The following GABRG3 variants were observed in gnomAD, a reference collection of about 807,000 sequenced individuals.
The protein encoded by GABRG3 is gamma-aminobutyric acid type A receptor subunit gamma3, also known as gamma-aminobutyric acid receptor subunit gamma-3.
A neutral mutation model predicts 48.8 loss-of-function variants in GABRG3; 25 were observed. That is an observed-to-expected ratio of 0.51 (90% CI 0.37 to 0.72). The LOEUF (loss-of-function observed/expected upper bound fraction) is 0.72, where lower values mean the gene tolerates loss of function less well. GABRG3 is among the 30% of genes least tolerant of loss of function. The pLI is 0.00. For synonymous variants in GABRG3, 227 were observed against 217.6 expected, an observed-to-expected ratio of 1.04 and a Z score of -0.38; for missense variants, 394 against 577.9, an observed-to-expected ratio of 0.68 and a Z score of 3.26.
chr15:27,264,581 G>A (rs192222652), intron 3 of GABRG3, among the ~76,000 whole-genome samples: 149 of 146,498 alleles, frequency 1.0e-3, no homozygotes, highest in African/African-American at 3.1e-3. Context: ...TCACATCCTC[G>A]TCAAAAAATT....
chr15:27,066,182 G>A (rs1179787575), intron 3 of GABRG3, among the ~76,000 whole-genome samples: 1 of 151,884 alleles, frequency 6.6e-6, no homozygotes, highest in East Asian at 1.9e-4. Context: ...TTTTTCCTAA[G>A]CCCTGATAGA....
intron 5 of GABRG3, chr15:27,363,351 T>G (rs1438578436): frequency 6.6e-6 from 1 of 151,880 alleles, no homozygotes; most frequent in Non-Finnish European, 1.5e-5. Flanking sequence ...GGATTCCAGG[T>G]GCAGCTGGCC....
rs574888508 is a variant in GABRG3 at position 27,455,655 on chromosome 15, ATG to A, written c.575-24985_575-24984del. On this transcript the variant is annotated intron_variant, in intron 5 of 9. Coordinates refer to ENST00000615808, the MANE Select transcript of GABRG3 (RefSeq NM_033223.5). ...ATGCCGTGGGTGGTTTGTGTGTGTG[ATG>A]TGTGTGTGTATGTGTGCTGTGTGTG... Among the ~76,000 whole-genome samples, 384 of 90,136 alleles carry A rather than the reference ATG, an allele frequency of 4.3e-3. 5 individuals are homozygous for A. Among genetic ancestry groups the A allele is most frequent in the African/African-American group, 0.017 (357 of 20,412 alleles). The allele number at this position is 90,136 out of a possible 152,430, so 59.1% of individuals were successfully genotyped here.
intron 6 of GABRG3, among the ~76,000 whole-genome samples, chr15:27,498,851 A>T (rs1890551181): frequency 6.6e-6 from 1 of 152,188 alleles, no homozygotes; most frequent in African/African-American, 2.4e-5. Context: ...AAGCTGAATC[A>T]TAAGTCTTAT....
intron 6 of GABRG3, among the ~76,000 whole-genome samples, chr15:27,489,658 C>G (rs1890301593): frequency 6.6e-6 from 1 of 152,156 alleles, no homozygotes; most frequent in African/African-American, 2.4e-5. Context: ...TGTTTGTTGG[C>G]TGCATAAATG....
intron 3 of GABRG3, among the ~76,000 whole-genome samples, chr15:27,065,721 G>A (rs1896727067): frequency 6.6e-6 from 1 of 152,246 alleles, no homozygotes; most frequent in Non-Finnish European, 1.5e-5. Context: ...AGTCACCGGG[G>A]TCACCTTGCC....
intron 5 of GABRG3, among the ~76,000 whole-genome samples, chr15:27,381,900 G>C (rs78657807): frequency 0.052 from 7,937 of 152,208 alleles, 259 homozygotes; most frequent in Middle Eastern, 0.13. Context: ...GTGGATGGAA[G>C]TATGATTAAT....
At chr15:27,440,533 C>A (rs1888752417) in intron 5 of GABRG3, among the ~76,000 whole-genome samples, 1 of 152,324 alleles carries the variant, frequency 6.6e-6, no homozygotes, top group Non-Finnish European at 1.5e-5. Context: ...GGTGGCACTT[C>A]TCTTGGCTAA....
At chr15:26,986,574 A>G (rs1895155568) in intron 2 of GABRG3, among the ~76,000 whole-genome samples, 1 of 152,214 alleles carries the variant, frequency 6.6e-6, no homozygotes, top group Non-Finnish European at 1.5e-5. Context: ...CGTGTGAGAC[A>G]GTGCTGTGTT....
chr15:27,503,056 T>C (rs1890680886), intron 6 of GABRG3, among the ~76,000 whole-genome samples: 1 of 152,208 alleles, frequency 6.6e-6, no homozygotes, highest in Non-Finnish European at 1.5e-5. Context: ...ACTTTCAGCT[T>C]TCTCCTCTCC....
intron 3 of GABRG3, among the ~76,000 whole-genome samples, chr15:27,072,079 G>A (rs1896837271): frequency 6.6e-6 from 1 of 152,158 alleles, no homozygotes; most frequent in Non-Finnish European, 1.5e-5. Flanking sequence ...GCCCTTAAAA[G>A]TAAGAGCCTT....
In GABRG3 at chr15:27,088,530, G is replaced by A. The variant is rs75652927; in HGVS notation, c.270+61709G>A. ...CACACTGCTGTGAAGAACTATCTGA[G>A]ACTGGGCAACTTTTGAAGAAAAGAG... On this transcript the variant is annotated intron_variant, in intron 3 of 9. Coordinates refer to ENST00000615808, the MANE Select transcript of GABRG3 (RefSeq NM_033223.5). 3.0e-4 allele frequency among the ~76,000 whole-genome samples: 45 copies of A among 152,248 alleles called. No individual in the cohort carries two copies. The East Asian group carries it at 6.6e-3, about 22-fold the overall frequency.
At chr15:27,122,622 A>G (rs1398539292) in intron 3 of GABRG3, among the ~76,000 whole-genome samples, 1 of 152,230 alleles carries the variant, frequency 6.6e-6, no homozygotes, top group Non-Finnish European at 1.5e-5. Flanking sequence ...CTCCTCTCCT[A>G]CAGAATGGAG....
chr15:27,088,263 G>GGGCGCGGGGGCA (rs1469280449), intron 3 of GABRG3, among the ~76,000 whole-genome samples: 4 of 151,272 alleles, frequency 2.6e-5, no homozygotes, highest in African/African-American at 7.3e-5. Context: ...GCGCGGGGGC[G>GGGCGCGGGGGCA]GGCGCGGGGG....
At chr15:27,084,152 A>G (rs1473017186) in intron 3 of GABRG3, among the ~76,000 whole-genome samples, 1 of 152,206 alleles carries the variant, frequency 6.6e-6, no homozygotes, top group African/African-American at 2.4e-5. Flanking sequence ...CTCCAGCTGA[A>G]CTGCTCAGAT....
At chr15:27,161,288 C>T (rs896636732) in intron 3 of GABRG3, 1 of 152,134 alleles carries the variant, frequency 6.6e-6, no homozygotes, top group Non-Finnish European at 1.5e-5. Flanking sequence ...ACAAGAGATG[C>T]CTGGGTCAGA....
At chr15:27,474,408 C>G (rs1015091810) in intron 5 of GABRG3, among the ~76,000 whole-genome samples, 42 of 152,092 alleles carry the variant, frequency 2.8e-4, no homozygotes, top group Admixed American at 2.0e-4. Context: ...TTCAGTATGT[C>G]AAACATCCAA....
intron 3 of GABRG3, among the ~76,000 whole-genome samples, chr15:27,308,881 A>T (rs1212034319): frequency 6.6e-6 from 1 of 150,420 alleles, no homozygotes; most frequent in African/African-American, 2.4e-5. Flanking sequence ...TAAAAACAGA[A>T]TTTAAACATG....
At chr15:27,240,571 C>T (rs937456112) in intron 3 of GABRG3, among the ~76,000 whole-genome samples, 4 of 152,068 alleles carry the variant, frequency 2.6e-5, no homozygotes, top group African/African-American at 9.7e-5. Flanking sequence ...AAATCATTTA[C>T]AATATTTATT....
Sources: gnomAD v4.1 joint callset for allele counts (sites outside exome capture counted in the v4.1 genomes callset) on GRCh38, gnomAD v4.1.1 for gene constraint, MANE v1.5 for transcripts, NCBI Gene and HGNC (gene_info 2026-07-23, HGNC 2026-07-21) for gene names.